Variants in MAP2K5 observed in about 807,000 individuals in gnomAD.
MAP2K5 encodes the protein dual specificity mitogen-activated protein kinase kinase 5.
A neutral mutation model predicts 83.1 loss-of-function variants in MAP2K5; 49 were observed. That is an observed-to-expected ratio of 0.59 (90% CI 0.47 to 0.75). MAP2K5 has a LOEUF of 0.75. Among genes scored for constraint, MAP2K5 ranks in the 30% least tolerant of loss-of-function variants. MAP2K5 has a pLI of 0.00. For synonymous variants in MAP2K5, 202 were observed against 191.8 expected, an observed-to-expected ratio of 1.05 and a Z score of -0.44; for missense variants, 457 against 557.5, an observed-to-expected ratio of 0.82 and a Z score of 1.82.
chr15:67,800,471 C>T (rs1400674355), intron 21 of MAP2K5, among the ~76,000 whole-genome samples: 1 of 152,196 alleles, frequency 6.6e-6, no homozygotes, highest in Admixed American at 6.5e-5. Context: ...TGTCTCAGCA[C>T]AGTGTCAAGG....
Position 67,543,613 on chromosome 15 carries a change from A to C in MAP2K5, c.135+143A>C. ...GAGGCAGTTTTATTGCTTCAGGCACAGCATTGATAAATTGCAACCACTAAA... is the reference window on the plus strand; with the variant it reads ...GAGGCAGTTTTATTGCTTCAGGCACCGCATTGATAAATTGCAACCACTAAA... On this transcript the variant is annotated intron_variant, in intron 1 of 21. Transcript: ENST00000178640. This position sits in a 1 kb window ranked among gnomAD's most constrained non-coding sequence, Gnocchi z 4.3. The C allele has an allele frequency of 1.1e-6, 1 of 889,354 alleles. No individual in the cohort carries two copies. The highest frequency in any genetic ancestry group is 2.6e-5 in the East Asian group (1 of 38,586). The allele number at this position is 889,354 out of a possible 1,614,324, so 55.1% of individuals were successfully genotyped here.
At chr15:67,598,777 C>CT (rs1310880540) in intron 7 of MAP2K5, among the ~76,000 whole-genome samples, 5 of 152,228 alleles carry the variant, frequency 3.3e-5, no homozygotes, top group South Asian at 4.2e-4. Context: ...AGTGTAGACT[C>CT]TATCTACTAC....
rs577434879 is a variant in MAP2K5, at chr15:67,788,897, A to T, written c.1242+16145A>T. On this transcript the variant is annotated intron_variant, in intron 21 of 21. Transcript: ENST00000178640. ...TGAGGTGAGAGGATCACTTGAGCCC[A>T]TGAGGTAGAGGATGCAGTGAGCCAT... 3.3e-5 allele frequency among the ~76,000 whole-genome samples: 5 copies of T among 151,732 alleles called. No homozygotes were observed. In the East Asian group the frequency reaches 7.8e-4, roughly 24 times the overall value.
chr15:67,563,706 T>G lies in MAP2K5; in HGVS notation c.252+356T>G, dbSNP rs540701229. ...AAATTTTTCAAAATCTACTTTCAAC[T>G]GGAGATCTCTCTCACCCTTCCAGAC... On this transcript the variant is annotated intron_variant, in intron 3 of 21. Transcript: ENST00000178640. This position sits in a 1 kb window ranked among gnomAD's most constrained non-coding sequence, Gnocchi z 4.5. 1.2e-3 allele frequency among the ~76,000 whole-genome samples: 185 copies of G among 152,274 alleles called. 3 individuals are homozygous for G. The South Asian group carries it at 0.026, about 21-fold the overall frequency.
At chr15:67,753,369 G>C (rs2141279812) in intron 19 of MAP2K5, among the ~76,000 whole-genome samples, 1 of 152,240 alleles carries the variant, frequency 6.6e-6, no homozygotes, top group East Asian at 1.9e-4. Context: ...ACTTTTGTGT[G>C]TCAAAGGACA....
At chr15:67,732,196 T>C (rs189487681) in intron 17 of MAP2K5, among the ~76,000 whole-genome samples, 10 of 152,368 alleles carry the variant, frequency 6.6e-5, no homozygotes, top group Non-Finnish European at 1.5e-4. Context: ...CTGCCTATAG[T>C]TAATCATGTA....
In MAP2K5 at chr15:67,563,252, C is replaced by A. The variant is rs1485967586; in HGVS notation, c.185-31C>A. 1 of 1,601,904 alleles carries A rather than the reference C, an allele frequency of 6.2e-7. No individual in the cohort carries two copies. The highest frequency in any genetic ancestry group is 1.7e-5 in the Admixed American group (1 of 57,564). ...CTTTGTGCATTAAACAAATGCACAC[C>A]TTATCATTTGCATTATGTGCTTTTA... On this transcript the variant is annotated intron_variant, in intron 2 of 21. Transcript: ENST00000178640. This position sits in a 1 kb window ranked among gnomAD's most constrained non-coding sequence, Gnocchi z 4.5.
At chr15:67,602,230 A>G (rs751338563) in intron 8 of MAP2K5, among the ~76,000 whole-genome samples, 4 of 152,190 alleles carry the variant, frequency 2.6e-5, no homozygotes, top group Non-Finnish European at 5.9e-5. Flanking sequence ...CTGTGTTCTG[A>G]AGGTACTTAA....
intron 21 of MAP2K5, among the ~76,000 whole-genome samples, chr15:67,791,307 T>C (rs936890712): frequency 6.6e-6 from 1 of 152,310 alleles, no homozygotes; most frequent in East Asian, 1.9e-4. Flanking sequence ...AAATCACCTG[T>C]TTCATATTTT....
rs1171867072 is a variant in MAP2K5 at position 67,758,313 on chromosome 15, G to C, written c.1134+9712G>C. Among the ~76,000 whole-genome samples the C allele has an allele frequency of 6.6e-6, 1 of 152,114 alleles. No homozygotes were observed. The highest frequency in any genetic ancestry group is 6.5e-5 in the Admixed American group (1 of 15,272). On this transcript the variant is annotated intron_variant, in intron 19 of 21. Coordinates refer to ENST00000178640, the MANE Select transcript of MAP2K5 (RefSeq NM_145160.3). The surrounding 1 kb of genome is among the most constrained non-coding windows in gnomAD (Gnocchi z 4.7). ...ATATAAGGGAGGGTAGGGAGGTAGG[G>C]TCAGGGATGAATCTCAGGGCTTGGG...
intron 2 of MAP2K5, among the ~76,000 whole-genome samples, chr15:67,553,727 C>G (rs1005179437): frequency 6.6e-6 from 1 of 151,702 alleles, no homozygotes; most frequent in African/African-American, 2.4e-5. Context: ...TCCTGGCTAA[C>G]AAGGTGAAAC....
intron 3 of MAP2K5, among the ~76,000 whole-genome samples, chr15:67,574,681 ACAT>A (rs942675940): frequency 2.6e-5 from 4 of 151,700 alleles, no homozygotes; most frequent in African/African-American, 9.7e-5. Context: ...ATTCTGGCCA[ACAT>A]GGGGAAACCC....
At chr15:67,742,476 C>G (rs2089516725) in intron 17 of MAP2K5, among the ~76,000 whole-genome samples, 1 of 152,126 alleles carries the variant, frequency 6.6e-6, no homozygotes, top group Non-Finnish European at 1.5e-5. Flanking sequence ...GTAGAGTAGT[C>G]TAAAGGACCG....
intron 17 of MAP2K5, among the ~76,000 whole-genome samples, chr15:67,729,598 G>C (rs969597498): frequency 6.6e-6 from 1 of 151,528 alleles, no homozygotes; most frequent in Admixed American, 6.6e-5. Flanking sequence ...GTGAAACCCC[G>C]TCTCTACTAA....
At chr15:67,723,024 C>T (rs2089000625) in intron 16 of MAP2K5, among the ~76,000 whole-genome samples, 1 of 152,122 alleles carries the variant, frequency 6.6e-6, no homozygotes, top group African/African-American at 2.4e-5. Context: ...TTTAAAACTA[C>T]TCCCACAACA....
rs1288382417 is a variant in MAP2K5 at position 67,609,749 on chromosome 15, C to A, written c.545+9000C>A. On this transcript the variant is annotated intron_variant, in intron 8 of 21. Coordinates refer to ENST00000178640, the MANE Select transcript of MAP2K5 (RefSeq NM_145160.3). The stretch of plus-strand genomic sequence containing the variant: ...TTCTATAAAAAATGTAGAAGAGGTG[C>A]TCAGGAAGACCTATCTGAGGAGGTG... Among the ~76,000 whole-genome samples, 3 of 151,930 alleles carry A rather than the reference C, an allele frequency of 2.0e-5. No homozygotes were observed. In the East Asian group the frequency reaches 5.8e-4, roughly 29 times the overall value.
At chr15:67,643,642 T>G (rs2086767832) in intron 9 of MAP2K5, among the ~76,000 whole-genome samples, 2 of 152,072 alleles carry the variant, frequency 1.3e-5, no homozygotes, top group East Asian at 3.9e-4. Flanking sequence ...GAGATGGGGT[T>G]TCACCGTGTT....
intron 15 of MAP2K5, among the ~76,000 whole-genome samples, 198 bp from the exon 16 acceptor site, chr15:67,703,139 T>C (rs762611923): frequency 9.9e-5 from 15 of 152,194 alleles, no homozygotes; most frequent in Non-Finnish European, 2.1e-4. Flanking sequence ...AGTAAGAATA[T>C]ATCTATATAT....
intron 11 of MAP2K5, among the ~76,000 whole-genome samples, chr15:67,653,951 A>G (rs1312004249): frequency 1.3e-5 from 2 of 152,008 alleles, no homozygotes; most frequent in Non-Finnish European, 2.9e-5. Context: ...ACCCATTTTT[A>G]TTTAGGTATG....
Sources: gnomAD v4.1 joint callset for allele counts (sites outside exome capture counted in the v4.1 genomes callset) on GRCh38, gnomAD v4.1.1 for gene constraint, Gnocchi (gnomAD v3.1) non-coding constraint, MANE v1.5 for transcripts, NCBI Gene and HGNC (gene_info 2026-07-23, HGNC 2026-07-21) for gene names.